USP24: variants seen among roughly 807,000 people sequenced by gnomAD.
The protein encoded by USP24 is ubiquitin specific peptidase 24, also known as ubiquitin carboxyl-terminal hydrolase 24.
A neutral mutation model predicts 361.6 loss-of-function variants in USP24; 97 were observed. That is an observed-to-expected ratio of 0.27 (90% CI 0.23 to 0.32). USP24 has a LOEUF of 0.32. Among genes scored for constraint, USP24 ranks in the 10% least tolerant of loss-of-function variants. The probability of loss-of-function intolerance (pLI) is 1.00; values close to 1 mark genes in which losing one functional copy is unlikely to be tolerated. For synonymous variants in USP24, 1,098 were observed against 1,124.6 expected, an observed-to-expected ratio of 0.98 and a Z score of 0.47; for missense variants, 2,353 against 3,165.6, an observed-to-expected ratio of 0.74 and a Z score of 6.16.
intron 31 of USP24, among the ~76,000 whole-genome samples, chr1:55,130,833 T>C (rs1365329041): frequency 6.6e-6 from 1 of 152,186 alleles, no homozygotes; most frequent in African/African-American, 2.4e-5. Flanking sequence ...ATGAACAAAT[T>C]GCAAAGAAAT....
chr1:55,188,561 A>G (rs1286309508), intron 1 of USP24, among the ~76,000 whole-genome samples: 2 of 152,184 alleles, frequency 1.3e-5, no homozygotes, highest in African/African-American at 4.8e-5. Context: ...TTCTCCAAAA[A>G]AGATACAAGC....
intron 34 of USP24, 50 bp from the exon 35 acceptor site, chr1:55,124,678 C>A (rs1252515000): frequency 6.3e-7 from 1 of 1,588,480 alleles, no homozygotes. Flanking sequence ...TGAACACATG[C>A]CCTGACATGT....
chr1:55,107,161 T>C, intron 40 of USP24, 78 bp downstream of exon 40: 1 of 1,473,326 alleles, frequency 6.8e-7, no homozygotes, highest in Non-Finnish European at 9.1e-7. Context: ...ATCTATCTTA[T>C]TTTCCCACTT....
intron 1 of USP24, among the ~76,000 whole-genome samples, chr1:55,198,448 G>GT (rs1644476297): frequency 6.6e-6 from 1 of 152,094 alleles, no homozygotes; most frequent in Admixed American, 6.5e-5. Flanking sequence ...AAGTAACATG[G>GT]TTTTAAGTCC....
chr1:55,147,938 C>T, intron 17 of USP24, 140 bp from the exon 18 acceptor site: 1 of 834,664 alleles, frequency 1.2e-6, no homozygotes, highest in South Asian at 2.0e-5. Context: ...ATTTCCTACA[C>T]AAAAGTAAAT....
intron 1 of USP24, among the ~76,000 whole-genome samples, chr1:55,199,831 AG>A (rs1644522965): frequency 6.6e-6 from 1 of 152,154 alleles, no homozygotes; most frequent in Non-Finnish European, 1.5e-5. Context: ...GACATACCCG[AG>A]ACTGGACAAT....
chr1:55,104,936 A>G (rs1364930066), intron 41 of USP24, among the ~76,000 whole-genome samples: 2 of 152,222 alleles, frequency 1.3e-5, no homozygotes, highest in African/African-American at 4.8e-5. Flanking sequence ...TACTTCTGAA[A>G]AGAGTTTCTG....
intron 6 of USP24, 41 bp downstream of exon 6, chr1:55,166,527 T>C: frequency 6.5e-7 from 1 of 1,544,344 alleles, no homozygotes; most frequent in Non-Finnish European, 8.8e-7. Context: ...ATTAGAAAAT[T>C]GAAAATATGC....
intron 16 of USP24, among the ~76,000 whole-genome samples, chr1:55,150,377 A>C (rs535314465): frequency 6.6e-6 from 1 of 152,318 alleles, no homozygotes; most frequent in South Asian, 2.1e-4. Context: ...TAAATCTGAG[A>C]TGCAGGGTGC....
chr1:55,080,780 T>C (rs532748214), intron 59 of USP24, among the ~76,000 whole-genome samples: 1 of 152,306 alleles, frequency 6.6e-6, no homozygotes, highest in Admixed American at 6.5e-5. Context: ...ATGATGACTG[T>C]GTTATTAGTT....
chr1:55,097,719 T>C lies in USP24; in HGVS notation c.5596-2A>G. The C allele has an allele frequency of 6.6e-7, 1 of 1,520,414 alleles. No individual in the cohort carries two copies. Among genetic ancestry groups the C allele is most frequent in the Non-Finnish European group, 8.8e-7 (1 of 1,139,466 alleles). 94.2% of individuals were successfully genotyped at this position (1,520,414 alleles called of 1,614,324 possible). On this transcript the variant is annotated splice_acceptor_variant, in intron 47 of 67. Transcript: ENST00000294383. LOFTEE classifies it high-confidence loss of function. ...ACAGGTCCTTTTCACTGTTATTCTC[T>C]AAAGAAAAAAAAAAGGAAAAAGAGC...
rs968412699 is a variant in USP24, at chr1:55,121,922, G to A, written c.4277-416C>T. 5.3e-5 allele frequency among the ~76,000 whole-genome samples: 8 copies of A among 152,230 alleles called. 1 individual carries two copies. Among genetic ancestry groups the A allele is most frequent in the East Asian group, 1.9e-4 (1 of 5,184 alleles). ...TTAAACAATTCTAGGAAAATTAAAC[G>A]AAATCAAACAGCTAAGGGTAGGATT... On this transcript the variant is annotated intron_variant, in intron 36 of 67. Coordinates refer to ENST00000294383, the MANE Select transcript of USP24 (RefSeq NM_015306.3).
rs115620074 is a variant in USP24, at chr1:55,186,486, G to A, written c.325-8354C>T. ...TATTTGTACACCCATGTTCATAACC[G>A]AATTATTCACAATAGCCAAAAGGTG... On this transcript the variant is annotated intron_variant, in intron 1 of 67. Coordinates refer to ENST00000294383, the MANE Select transcript of USP24 (RefSeq NM_015306.3). 5.1e-3 allele frequency among the ~76,000 whole-genome samples: 778 copies of A among 152,200 alleles called. 6 individuals are homozygous for A. The highest frequency in any genetic ancestry group is 8.7e-3 in the Non-Finnish European group (593 of 68,008).
At chr1:55,127,086 C>CT (rs1646452361) in intron 32 of USP24, among the ~76,000 whole-genome samples, 1 of 151,682 alleles carries the variant, frequency 6.6e-6, no homozygotes, top group African/African-American at 2.4e-5. Flanking sequence ...AATTATTATA[C>CT]TTTAAGTTTT....
Position 55,176,368 on chromosome 1 carries a change from T to G in USP24, c.558+8A>C. ...ACACAAAATATCACAGCAGCACATT[T>G]TTCTTACCTTTTTAAATGCTTCAGG... On this transcript the variant is annotated splice_region_variant and intron_variant, in intron 3 of 67. Coordinates refer to ENST00000294383, the MANE Select transcript of USP24 (RefSeq NM_015306.3). The G allele has an allele frequency of 6.4e-7, 1 of 1,562,348 alleles. No individual in the cohort carries two copies. The highest frequency in any genetic ancestry group is 1.9e-5 in the Admixed American group (1 of 52,310).
intron 1 of USP24, among the ~76,000 whole-genome samples, chr1:55,188,202 C>T (rs377254382): frequency 1.3e-5 from 2 of 152,058 alleles, no homozygotes; most frequent in African/African-American, 2.4e-5. Context: ...GGTGCTGAGA[C>T]AACTGAATAT....
At position 55,123,509 on chromosome 1, in the gene USP24, A is replaced by T. The variant is rs1038091215; in HGVS notation, c.4214T>A (p.Leu1405Gln). The T allele has an allele frequency of 6.2e-7, 1 of 1,604,974 alleles. No homozygotes were observed. The highest frequency in any genetic ancestry group is 1.1e-5 in the South Asian group (1 of 88,728). ...AAGAGACAAAGCCTCTCCCGCAATC[A>T]GCGAGTCTTTGGTGGATACAGACTG... ...RQQSVSTKDS[L>Q]IAGEALSLLV... The change falls in exon 36 of 68, where the codon CTG (leucine) becomes CAG (glutamine). Residue 1405 changes from leucine (L) to glutamine (Q), a missense_variant. Leu to Gln is a moderately radical substitution (Grantham distance 113). Coordinates refer to ENST00000294383, the MANE Select transcript of USP24 (RefSeq NM_015306.3).
chr1:55,180,691 C>T (rs1643939834), intron 1 of USP24, among the ~76,000 whole-genome samples: 1 of 152,180 alleles, frequency 6.6e-6, no homozygotes, highest in Admixed American at 6.6e-5. Flanking sequence ...GGAAGCCTTT[C>T]CAGAATTTCT....
chr1:55,086,289 TA>T (rs1446076879), intron 55 of USP24: 1 of 538,644 alleles, frequency 1.9e-6, no homozygotes, highest in Non-Finnish European at 3.3e-6. Flanking sequence ...TGAGAAAGTT[TA>T]AAAGATAAGA....
Sources: gnomAD v4.1 joint callset for allele counts (sites outside exome capture counted in the v4.1 genomes callset) on GRCh38, gnomAD v4.1.1 for gene constraint, MANE v1.5 for transcripts, NCBI Gene and HGNC (gene_info 2026-07-23, HGNC 2026-07-21) for gene names.